Variants in TUT7 observed in about 807,000 individuals in gnomAD.
TUT7 encodes the protein terminal uridylyltransferase 7.
A neutral mutation model predicts 165.9 loss-of-function variants in TUT7; 33 were observed. The observed-to-expected ratio is 0.20, with a 90% CI of 0.15 to 0.27. The LOEUF is 0.27. TUT7 is among the 10% of genes least tolerant of loss of function. The pLI is 1.00. For synonymous variants in TUT7, 552 were observed against 608.1 expected (o/e 0.91, Z 1.36); for missense variants, 1,338 against 1,762.3 (o/e 0.76, Z 4.31).
At chr9:86,353,893 AG>A (rs1412611030) in intron 1 of TUT7, among the ~76,000 whole-genome samples, 1 of 152,222 alleles carries the variant, frequency 6.6e-6, no homozygotes, top group Non-Finnish European at 1.5e-5. Context: ...TGGTTTTGTC[AG>A]GAACAGCAAT....
At chr9:86,300,617 C>T (rs183932187) in intron 26 of TUT7, among the ~76,000 whole-genome samples, 2 of 152,286 alleles carry the variant, frequency 1.3e-5, no homozygotes, top group East Asian at 1.9e-4. Flanking sequence ...AGACATTTCA[C>T]CCATTTAGCA....
intron 2 of TUT7, among the ~76,000 whole-genome samples, chr9:86,348,739 G>A (rs1362845552): frequency 6.6e-6 from 1 of 151,732 alleles, no homozygotes; most frequent in African/African-American, 2.4e-5. Context: ...GTGACAGAGT[G>A]AGACTCTGTC....
chr9:86,346,952 A>G (rs556654031), intron 2 of TUT7, among the ~76,000 whole-genome samples: 1 of 152,326 alleles, frequency 6.6e-6, no homozygotes, highest in East Asian at 1.9e-4. Flanking sequence ...CAATCTCAAT[A>G]AGGCAAAATG....
chr9:86,318,407 T>C (rs1028139937), intron 16 of TUT7, among the ~76,000 whole-genome samples: 6 of 152,214 alleles, frequency 3.9e-5, no homozygotes, highest in African/African-American at 7.2e-5. Flanking sequence ...GGGGGCTGAA[T>C]TGCCCAAGGG....
intron 7 of TUT7, 55 bp downstream of exon 7, chr9:86,340,946 AT>A: frequency 1.5e-6 from 2 of 1,357,106 alleles, no homozygotes; most frequent in South Asian, 2.4e-5. Flanking sequence ...GAGAAATAAG[AT>A]AGATCCAAAT....
chr9:86,334,480 G>A (rs1265851845), intron 10 of TUT7, among the ~76,000 whole-genome samples: 1 of 152,274 alleles, frequency 6.6e-6, no homozygotes, highest in South Asian at 2.1e-4. Context: ...GGCTTCAGTG[G>A]CAGGATTCCG....
At chr9:86,319,759 AACTT>A (rs1405269048) in intron 14 of TUT7, 89 bp from the exon 15 acceptor site, 1 of 849,924 alleles carries the variant, frequency 1.2e-6, no homozygotes, top group Non-Finnish European at 1.8e-6. Flanking sequence ...TAGAAAATAA[AACTT>A]ACAAGCTTAA....
intron 9 of TUT7, among the ~76,000 whole-genome samples, chr9:86,338,202 T>C (rs938696098): frequency 1.3e-5 from 2 of 151,356 alleles, no homozygotes; most frequent in African/African-American, 4.9e-5. Flanking sequence ...AGCACATACA[T>C]GGAATCTCTT....
In TUT7 at chr9:86,335,229, A is replaced by G. The variant is rs1453762840; in HGVS notation, c.1455+2190T>C. On this transcript the variant is annotated intron_variant, in intron 10 of 26. Transcript: ENST00000375963. ...AAGGTCACAAGGATGTGAGTGGCAA[A>G]ACAGAGATGAGTCCCAGTGCTGGTA... Among the ~76,000 whole-genome samples the G allele has an allele frequency of 2.6e-5, 4 of 152,314 alleles. No homozygotes were observed. In the East Asian group the frequency reaches 7.7e-4, roughly 29 times the overall value.
At chr9:86,309,743 C>T (rs903159618) in intron 19 of TUT7, among the ~76,000 whole-genome samples, 167 bp from the exon 20 acceptor site, 3 of 152,318 alleles carry the variant, frequency 2.0e-5, no homozygotes, top group Middle Eastern at 3.4e-3. Context: ...CAGCTGGCTA[C>T]GTGCAAGATC....
rs1437839153 is a variant in TUT7, at chr9:86,338,859, C to G, written c.1299G>C (p.Leu433=). Residue 433 remains leucine (L), a synonymous_variant, in exon 9 of 27, where the codon CTG becomes CTC. Coordinates refer to ENST00000375963, the MANE Select transcript of TUT7 (RefSeq NM_024617.4). ...ACCTAAATGCAATCACCAAAGGAACCAGCTTTGGTTCTAGTTTTCCAAGGG... is the reference window on the plus strand; with the variant it reads ...ACCTAAATGCAATCACCAAAGGAACGAGCTTTGGTTCTAGTTTTCCAAGGG... ...LTALGKLEPK[L]VPLVIAFRYW... 3 of 1,610,202 alleles carry G rather than the reference C, an allele frequency of 1.9e-6. No homozygotes were observed. The highest frequency in any genetic ancestry group is 2.5e-6 in the Non-Finnish European group (3 of 1,178,262).
rs1485816752 is a variant in TUT7 at position 86,323,590 on chromosome 9, G to A, written c.2160C>T (p.His720=). Residue 720 remains histidine, a synonymous_variant, in exon 13 of 27, where the codon CAC becomes CAT. Transcript: ENST00000375963. ...CTTGGATACAGTCTGAGTTTTCAGG[G>A]TGGACACTGATGTGTTCATTTCCCA... ...EEMGNEHISV[H]PENSDCIQAD... is the part of the protein sequence containing the mutation. 2 of 1,614,028 alleles carry A rather than the reference G, an allele frequency of 1.2e-6. No individual in the cohort carries two copies. Among genetic ancestry groups the A allele is most frequent in the Non-Finnish European group, 1.7e-6 (2 of 1,180,032 alleles).
chr9:86,328,580 A>G (rs1185002256), intron 10 of TUT7, 88 bp from the exon 11 acceptor site: 2 of 1,085,592 alleles, frequency 1.8e-6, no homozygotes, highest in African/African-American at 3.2e-5. Context: ...AAAAATACTC[A>G]TAGTTCAACG....
In TUT7 at chr9:86,341,077, A is replaced by G. The variant is rs1270748246; in HGVS notation, c.1087-24T>C. ...ATCTAGGAAATAAATCAATGAATACATGAAATTATTCCTAAGTGATTTTGC... is the reference window on the plus strand; with the variant it reads ...ATCTAGGAAATAAATCAATGAATACGTGAAATTATTCCTAAGTGATTTTGC... On this transcript the variant is annotated intron_variant, in intron 6 of 26. Coordinates refer to ENST00000375963, the MANE Select transcript of TUT7 (RefSeq NM_024617.4). The G allele has an allele frequency of 5.0e-6, 8 of 1,591,896 alleles. No homozygotes were observed. In the Admixed American group the frequency reaches 6.7e-5, roughly 13 times the overall value.
rs747121301 is a variant in TUT7, at chr9:86,304,823, T to A, written c.3978+33A>T. ...TGTACAAATTAGGCACTTTTTTTTATTTTTTATTTTTTGGTATTTCCAACA... is the reference window on the plus strand; with the variant it reads ...TGTACAAATTAGGCACTTTTTTTTAATTTTTATTTTTTGGTATTTCCAACA... On this transcript the variant is annotated intron_variant, in intron 24 of 26. Coordinates refer to ENST00000375963, the MANE Select transcript of TUT7 (RefSeq NM_024617.4). 13 of 1,465,814 alleles carry A rather than the reference T, an allele frequency of 8.9e-6. No homozygotes were observed. In the African/African-American group the frequency reaches 1.7e-4, roughly 19 times the overall value. 90.8% of individuals were successfully genotyped at this position (1,465,814 alleles called of 1,614,324 possible).
intron 17 of TUT7, among the ~76,000 whole-genome samples, chr9:86,316,331 C>T (rs552217121): frequency 1.2e-4 from 19 of 152,106 alleles, no homozygotes; most frequent in Admixed American, 8.5e-4. Flanking sequence ...TCAGGCCAAG[C>T]GTAGTGGCTC....
chr9:86,322,361 A>C lies in TUT7; in HGVS notation c.2992T>G (p.Leu998Val). The change falls in exon 14 of 27, where the codon TTA becomes GTA. Residue 998 changes from leucine (L) to valine (V), a missense_variant. Leu to Val is a conservative substitution (Grantham distance 32). Transcript: ENST00000375963. ...EPLPPLTPKFLNILDQVCIQC... is the reference protein window; with the variant it reads ...EPLPPLTPKFVNILDQVCIQC... ...ATACAGACTTGATCTAAGATATTTA[A>C]AAACTTGGGTGTTAATGGTGGCAGA... is the stretch of plus-strand genomic sequence containing the variant. 1 of 1,614,080 alleles carries C rather than the reference A, an allele frequency of 6.2e-7. No homozygotes were observed. Among genetic ancestry groups the C allele is most frequent in the East Asian group, 2.2e-5 (1 of 44,866 alleles).
chr9:86,325,696 T>G (rs1189798935), intron 11 of TUT7, among the ~76,000 whole-genome samples, 182 bp from the exon 12 acceptor site: 1 of 152,234 alleles, frequency 6.6e-6, no homozygotes, highest in East Asian at 1.9e-4. Flanking sequence ...ACAGCATTAC[T>G]TCACTGCACT....
intron 17 of TUT7, among the ~76,000 whole-genome samples, chr9:86,314,527 T>A (rs764279092): frequency 1.3e-5 from 2 of 152,224 alleles, no homozygotes; most frequent in Non-Finnish European, 2.9e-5. Context: ...TCTGCAAACA[T>A]TCCTGGTTCT....
Sources: gnomAD v4.1 joint callset for allele counts (sites outside exome capture counted in the v4.1 genomes callset) on GRCh38, gnomAD v4.1.1 for gene constraint, MANE v1.5 for transcripts, NCBI Gene and HGNC (gene_info 2026-07-23, HGNC 2026-07-21) for gene names.